The following MERTK variants were observed in gnomAD, a reference collection of about 807,000 sequenced individuals.
MERTK encodes tyrosine-protein kinase Mer.
Under a neutral mutation model 99.3 loss-of-function variants are expected in MERTK, and 69 were observed. That is an observed-to-expected ratio of 0.70 (90% CI 0.57 to 0.85). The LOEUF is 0.85. MERTK is among the 40% of genes least tolerant of loss of function. The probability of loss-of-function intolerance (pLI) is 0.00; values close to 1 mark genes in which losing one functional copy is unlikely to be tolerated. For synonymous variants in MERTK, 426 were observed against 467.6 expected (o/e 0.91, Z 1.15); for missense variants, 1,125 against 1,249.4 (o/e 0.90, Z 1.50).
chr2:111,979,587 C>T (rs748181733), intron 7 of MERTK, among the ~76,000 whole-genome samples: 9 of 151,814 alleles, frequency 5.9e-5, no homozygotes, highest in Non-Finnish European at 1.2e-4. Flanking sequence ...TTGTGTTAGA[C>T]GATTGTTAAT....
intron 13 of MERTK, among the ~76,000 whole-genome samples, chr2:112,005,081 T>A (rs80175082): frequency 2.0e-5 from 3 of 152,036 alleles, no homozygotes; most frequent in Non-Finnish European, 2.9e-5. Context: ...CTTTTTTTTT[T>A]AATTGAGATG....
chr2:111,907,618 G>A (rs1183306580), intron 1 of MERTK, among the ~76,000 whole-genome samples: 1 of 152,150 alleles, frequency 6.6e-6, no homozygotes, highest in Non-Finnish European at 1.5e-5. Flanking sequence ...GAGACAGAGG[G>A]ATGGACTAAG....
chr2:112,013,336 A>G (rs1677146942), intron 15 of MERTK: 1 of 154,296 alleles, frequency 6.5e-6, no homozygotes. Context: ...TTTTCCCCCA[A>G]AAAGAAAGAT....
chr2:111,920,999 A>G (rs945658588), intron 1 of MERTK, among the ~76,000 whole-genome samples: 2 of 152,150 alleles, frequency 1.3e-5, no homozygotes, highest in African/African-American at 2.4e-5. Flanking sequence ...TTGCATAAAT[A>G]GTACTAAGTA....
Position 112,028,744 on chromosome 2 carries a change from G to A in MERTK, c.2880G>A (p.Glu960=). 6.2e-7 allele frequency: 1 copy of A among 1,614,208 alleles called. No individual in the cohort carries two copies. Among genetic ancestry groups the A allele is most frequent in the Non-Finnish European group, 8.5e-7 (1 of 1,180,042 alleles). The change falls in exon 19 of 19, where the codon GAG becomes GAA. Residue 960 remains glutamate, a synonymous_variant. Transcript: ENST00000295408. ...TAEKNSVLPG[E]RLVRNGVSWS... The stretch of plus-strand genomic sequence containing the variant: ...AAAAGAACAGTGTTTTACCGGGGGA[G>A]AGACTTGTTAGGAATGGGGTCTCCT...
At chr2:112,017,460 T>G (rs1677241047) in intron 15 of MERTK, among the ~76,000 whole-genome samples, 1 of 151,992 alleles carries the variant, frequency 6.6e-6, no homozygotes. Context: ...AGAAACCCCA[T>G]CTCTACTAAA....
chr2:111,933,626 A>T (rs1374536730), intron 2 of MERTK, among the ~76,000 whole-genome samples: 3 of 152,170 alleles, frequency 2.0e-5, no homozygotes, highest in Admixed American at 6.5e-5. Context: ...TTTTAACATG[A>T]TGAGGTCTCT....
intron 7 of MERTK, among the ~76,000 whole-genome samples, chr2:111,981,547 T>A (rs1442846085): frequency 2.0e-5 from 3 of 152,188 alleles, no homozygotes; most frequent in Non-Finnish European, 4.4e-5. Flanking sequence ...TGCATTTATT[T>A]CTATTTGTCA....
intron 16 of MERTK, 56 bp downstream of exon 16, chr2:112,019,578 C>T: frequency 7.5e-7 from 1 of 1,335,564 alleles, no homozygotes; most frequent in Non-Finnish European, 1.1e-6. Flanking sequence ...TTGGTCTTTG[C>T]AGGGTTAGTG....
chr2:111,900,299 C>T (rs1389259991), intron 1 of MERTK, among the ~76,000 whole-genome samples: 2 of 152,152 alleles, frequency 1.3e-5, no homozygotes, highest in African/African-American at 4.8e-5. Flanking sequence ...TAATTTGGGG[C>T]AACATAGCAA....
rs187285184 is a variant in MERTK, at chr2:111,952,989, G to A, written c.757+5422G>A. ...TCTGCCTGTTTCCATGAGACCAGGG[G>A]GGCTCTTGAAGGCAGGAACTGAAGG... On this transcript the variant is annotated intron_variant, in intron 4 of 18. Transcript: ENST00000295408. 2.9e-3 allele frequency among the ~76,000 whole-genome samples: 437 copies of A among 152,216 alleles called. 3 individuals carry two copies. The highest frequency in any genetic ancestry group is 6.4e-3 in the African/African-American group (264 of 41,538).
intron 1 of MERTK, among the ~76,000 whole-genome samples, chr2:111,899,296 G>C (rs745493339): frequency 7.2e-5 from 11 of 152,160 alleles, no homozygotes; most frequent in Admixed American, 1.3e-4. Context: ...GCCGCAGTCC[G>C]GGAGCCGCGA....
At chr2:111,994,100 C>T (rs1047380399) in intron 8 of MERTK, 151 bp from the exon 9 acceptor site, 9 of 940,254 alleles carry the variant, frequency 9.6e-6, no homozygotes, top group Non-Finnish European at 1.4e-5. Flanking sequence ...GTTCCATTGG[C>T]CATGGCCTGA....
intron 8 of MERTK, among the ~76,000 whole-genome samples, chr2:111,989,958 A>G (rs1036777193): frequency 2.0e-5 from 3 of 152,184 alleles, no homozygotes; most frequent in African/African-American, 7.2e-5. Context: ...AACTCACTCA[A>G]TGAAAAATAT....
chr2:111,928,217 T>A (rs199830667), intron 1 of MERTK, among the ~76,000 whole-genome samples: 1 of 31,164 alleles, frequency 3.2e-5, no homozygotes, highest in African/African-American at 1.3e-4. Flanking sequence ...CATGAGCAGC[T>A]TTTTTTTTTT....
At chr2:111,978,016 T>A (rs925744464) in intron 7 of MERTK, among the ~76,000 whole-genome samples, 1 of 152,112 alleles carries the variant, frequency 6.6e-6, no homozygotes, top group African/African-American at 2.4e-5. Flanking sequence ...CATAGCTCAC[T>A]GCAGTCTTGA....
intron 1 of MERTK, among the ~76,000 whole-genome samples, chr2:111,913,764 G>A (rs1287936350): frequency 6.6e-6 from 1 of 152,182 alleles, no homozygotes; most frequent in Non-Finnish European, 1.5e-5. Flanking sequence ...GGCCAGGCTG[G>A]TGTTGAACTC....
At chr2:111,935,637 T>TTG in intron 2 of MERTK, among the ~76,000 whole-genome samples, 1 of 122,902 alleles carries the variant, frequency 8.1e-6, no homozygotes, top group Non-Finnish European at 1.7e-5. Flanking sequence ...TGGTCTTGGC[T>TTG]CGTGTGTGTG....
chr2:111,982,700 G>C, intron 7 of MERTK, 142 bp from the exon 8 acceptor site: 2 of 884,598 alleles, frequency 2.3e-6, no homozygotes, highest in Non-Finnish European at 1.9e-6. Context: ...TAGTTGAAAA[G>C]GTGAAAATGT....
Sources: gnomAD v4.1 joint callset for allele counts (sites outside exome capture counted in the v4.1 genomes callset) on GRCh38, gnomAD v4.1.1 for gene constraint, MANE v1.5 for transcripts, NCBI Gene and HGNC (gene_info 2026-07-23, HGNC 2026-07-21) for gene names.